CAPN3: variants seen among roughly 807,000 people sequenced by gnomAD.
CAPN3 encodes the protein calpain-3.
CAPN3 carries 88 observed loss-of-function variants against 114.0 expected under a neutral mutation model. The ratio of observed to expected loss-of-function variants is 0.77; its 90% CI spans 0.65 to 0.92. The LOEUF is 0.92. CAPN3 is among the 40% of genes least tolerant of loss of function. The pLI, the probability that CAPN3 is intolerant of heterozygous loss-of-function variation, is 0.00. For synonymous variants in CAPN3, 386 were observed against 382.9 expected, an observed-to-expected ratio of 1.01 and a Z score of -0.09; for missense variants, 1,028 against 1,069.0, an observed-to-expected ratio of 0.96 and a Z score of 0.53.
At position 42,360,022 on chromosome 15, in the gene CAPN3, G is replaced by T. The variant is rs769230236; in HGVS notation, c.217G>T (p.Val73Phe). The T allele has an allele frequency of 2.5e-6, 4 of 1,614,214 alleles. No individual in the cohort carries two copies. In the South Asian group the frequency reaches 3.3e-5, roughly 13 times the overall value. Residue 73 changes from valine to phenylalanine, a missense_variant, in exon 1 of 24, where the codon GTT (valine) becomes TTT (phenylalanine). By Grantham distance (50) the Val-to-Phe change is conservative (BLOSUM62 -1). Transcript: ENST00000397163. ...QLHKKCLEKK[V>F]LYVDPEFPPD... ...TCACAAGAAATGTCTAGAAAAGAAAGTTCTTTATGTGGACCCTGAGTTCCC... is the reference window on the plus strand; with the variant it reads ...TCACAAGAAATGTCTAGAAAAGAAATTTCTTTATGTGGACCCTGAGTTCCC...
At chr15:42,382,210 G>GTT (rs994776322) in intron 1 of CAPN3, among the ~76,000 whole-genome samples, 1 of 144,490 alleles carries the variant, frequency 6.9e-6, no homozygotes, top group African/African-American at 2.5e-5. Flanking sequence ...TCCAAACAAT[G>GTT]TTTTTTTTTT....
chr15:42,411,853 C>G lies in CAPN3; in HGVS notation c.*80C>G. ...CCTCTATTTCCAAAGCCATTTACCT[C>G]AAAGGACCCAGCAGCTACACCCCTA... is the stretch of plus-strand genomic sequence containing the variant. On this transcript the variant is annotated 3_prime_UTR_variant, in exon 24 of 24. Transcript: ENST00000397163. 1 of 1,612,036 alleles carries G rather than the reference C, an allele frequency of 6.2e-7. No homozygotes were observed. The highest frequency in any genetic ancestry group is 8.5e-7 in the Non-Finnish European group (1 of 1,178,934).
intron 1 of CAPN3, among the ~76,000 whole-genome samples, chr15:42,368,798 T>C (rs903995276): frequency 2.0e-5 from 3 of 152,210 alleles, no homozygotes; most frequent in Non-Finnish European, 4.4e-5. Flanking sequence ...ACACCTGCAG[T>C]CCCAGCATTT....
Position 42,409,349 on chromosome 15 carries a change from T to G in CAPN3, c.1961T>G (p.Phe654Cys). Residue 654 changes from phenylalanine (F) to cysteine (C), a missense_variant, in exon 17 of 24, where the codon TTC becomes TGC. Physicochemically the swap from Phe to Cys is radical, Grantham distance 205. Coordinates refer to ENST00000397163, the MANE Select transcript of CAPN3 (RefSeq NM_000070.3). ...CAGGAAAGTGAGGAACAGCAACAAT[T>G]CCGGAACATTTTCAAGCAGATAGCA... is the stretch of plus-strand genomic sequence containing the variant. The part of the protein sequence containing the change: ...SDQESEEQQQ[F>C]RNIFKQIAGD... 6.2e-7 allele frequency: 1 copy of G among 1,614,048 alleles called. No homozygotes were observed. The highest frequency in any genetic ancestry group is 8.5e-7 in the Non-Finnish European group (1 of 1,180,000).
Position 42,396,791 on chromosome 15 carries a change from T to C in CAPN3, c.1116-9T>C. The C allele has an allele frequency of 1.2e-6, 2 of 1,611,322 alleles. No homozygotes were observed. The highest frequency in any genetic ancestry group is 1.1e-5 in the South Asian group (1 of 91,020). On this transcript the variant is annotated splice_polypyrimidine_tract_variant and intron_variant, in intron 8 of 23. Coordinates refer to ENST00000397163, the MANE Select transcript of CAPN3 (RefSeq NM_000070.3). ...TCCTGCTTCCTTAATTCCTCCATTT[T>C]CCCACCAGATGGAAGGACTGGAGCT...
At chr15:42,386,050 G>C in intron 2 of CAPN3, 117 bp from the exon 3 acceptor site, 2 of 782,798 alleles carry the variant, frequency 2.6e-6, no homozygotes, top group Non-Finnish European at 4.6e-6. Context: ...GGAAGTAGGA[G>C]AGTGGGCACC....
chr15:42,369,976 C>G (rs113374390), intron 1 of CAPN3, among the ~76,000 whole-genome samples: 7,928 of 150,482 alleles, frequency 0.053, 641 homozygotes, highest in African/African-American at 0.17. Context: ...GGGTTCAATT[C>G]ATTCTCCTGC....
chr15:42,394,460 C>A, intron 8 of CAPN3, 119 bp downstream of exon 8: 1 of 829,424 alleles, frequency 1.2e-6, no homozygotes, highest in Non-Finnish European at 2.0e-6. Context: ...ACCCTCAAAA[C>A]CAATGATCCG....
intron 14 of CAPN3, among the ~76,000 whole-genome samples, chr15:42,405,452 A>G (rs999070133): frequency 1.3e-5 from 2 of 152,126 alleles, no homozygotes; most frequent in African/African-American, 4.8e-5. Context: ...CTGAGATTAC[A>G]GGTGCCCACC....
Position 42,402,914 on chromosome 15 carries a change from G to A in CAPN3, c.1657G>A (p.Glu553Lys), listed in dbSNP as rs767739787. 3.7e-6 allele frequency: 6 copies of A among 1,614,184 alleles called. No individual in the cohort carries two copies. The highest frequency in any genetic ancestry group is 1.3e-5 in the African/African-American group (1 of 75,044). Residue 553 changes from glutamate to lysine, a missense_variant, in exon 13 of 24, where the codon GAG (glutamate) becomes AAG (lysine). Physicochemically the swap from Glu to Lys is moderately conservative, Grantham distance 56. Transcript: ENST00000397163. ...VSQRFRLPPS[E>K]YVIVPSTYEP... ...CCAGCGCTTCCGCCTGCCTCCCAGC[G>A]AGTACGTCATCGTGCCCTCCACCTA...
intron 1 of CAPN3, among the ~76,000 whole-genome samples, chr15:42,362,491 C>G (rs1035688706): frequency 6.6e-6 from 1 of 152,146 alleles, no homozygotes; most frequent in Admixed American, 6.6e-5. Context: ...CCATCACCAA[C>G]AACAAAGATC....
intron 8 of CAPN3, among the ~76,000 whole-genome samples, chr15:42,395,003 G>C (rs559484148): frequency 1.3e-5 from 2 of 152,266 alleles, no homozygotes; most frequent in East Asian, 3.9e-4. Context: ...CTCTTATTTC[G>C]AGAGGGGGAT....
chr15:42,402,806 A>C lies in CAPN3; in HGVS notation c.1549A>C (p.Lys517Gln). 6.2e-7 allele frequency: 1 copy of C among 1,614,164 alleles called. No homozygotes were observed. Among genetic ancestry groups the C allele is most frequent in the Non-Finnish European group, 8.5e-7 (1 of 1,180,004 alleles). The part of the protein sequence containing the change: ...YEVPKEMHGN[K>Q]QHLQKDFFLY... The stretch of plus-strand genomic sequence containing the variant: ...CCCCATCTCTCAGATGCACGGGAAC[A>C]AGCAGCACCTGCAGAAGGACTTCTT... Residue 517 changes from lysine to glutamine, a missense_variant, in exon 13 of 24, where the codon AAG becomes CAG. By Grantham distance (53) the Lys-to-Gln change is moderately conservative (BLOSUM62 1). Transcript: ENST00000397163.
intron 13 of CAPN3, 143 bp from the exon 14 acceptor site, chr15:42,403,598 C>T: frequency 3.8e-6 from 3 of 786,270 alleles, no homozygotes; most frequent in Non-Finnish European, 6.9e-6. Context: ...GGGGCTGGTT[C>T]CTGGGGTTGG....
intron 1 of CAPN3, among the ~76,000 whole-genome samples, chr15:42,377,008 C>G (rs2053106199): frequency 6.6e-6 from 1 of 152,158 alleles, no homozygotes; most frequent in African/African-American, 2.4e-5. Flanking sequence ...TGTTTATATA[C>G]TAACTTGGAA....
At chr15:42,409,883 G>GGGGGGGGCCCCC in intron 18 of CAPN3, 39 bp downstream of exon 18, 1 of 559,634 alleles carries the variant, frequency 1.8e-6, no homozygotes, top group Non-Finnish European at 3.5e-6. Flanking sequence ...GGTGGGTGGG[G>GGGGGGGGCCCCC]AGTCCCGTTG....
intron 9 of CAPN3, among the ~76,000 whole-genome samples, chr15:42,397,748 G>A (rs920071417): frequency 1.3e-5 from 2 of 151,858 alleles, no homozygotes; most frequent in Non-Finnish European, 2.9e-5. Context: ...GACGGGCCTC[G>A]CTATATTTCT....
At chr15:42,364,042 A>G (rs1486869633) in intron 1 of CAPN3, among the ~76,000 whole-genome samples, 1 of 152,150 alleles carries the variant, frequency 6.6e-6, no homozygotes, top group African/African-American at 2.4e-5. Flanking sequence ...AAACTCATGC[A>G]TGGAAGTAAG....
chr15:42,366,831 TTTTTTTTTC>T (rs1566968219), intron 1 of CAPN3, among the ~76,000 whole-genome samples: 15 of 143,082 alleles, frequency 1.0e-4, no homozygotes, highest in African/African-American at 4.0e-4. Context: ...TTTTTTTCTT[TTTTTTTTTC>T]TTTTTTTTTT....
Sources: allele counts gnomAD v4.1 joint callset (sites outside exome capture counted in the v4.1 genomes callset), GRCh38; gene constraint gnomAD v4.1.1; transcripts MANE v1.5; gene names NCBI Gene and HGNC (gene_info 2026-07-23, HGNC 2026-07-21).